The following TSPAN1 variants were observed in gnomAD, a reference collection of about 807,000 sequenced individuals.
TSPAN1 encodes tetraspanin 1, also known as tetraspanin-1.
A neutral mutation model predicts 26.9 loss-of-function variants in TSPAN1; 23 were observed. That is an observed-to-expected ratio of 0.85 (90% CI 0.62 to 1.21). The LOEUF (loss-of-function observed/expected upper bound fraction) is 1.21, where lower values mean the gene tolerates loss of function less well. Ranked by LOEUF, TSPAN1 falls within the 50% of genes most tolerant of loss-of-function variation. The probability of loss-of-function intolerance (pLI) is 0.00; values close to 1 mark genes in which losing one functional copy is unlikely to be tolerated. For missense variants in TSPAN1, 283 were observed against 298.4 expected (o/e 0.95, Z 0.38); for synonymous variants, 115 against 114.8 (o/e 1.00, Z -0.01).
chr1:46,188,714 C>T (rs1353145198), downstream of TSPAN1: 1 of 1,599,508 alleles, frequency 6.3e-7, no homozygotes, highest in African/African-American at 1.3e-5. Flanking sequence ...TAATCAATGA[C>T]CAACTTATCC....
chr1:46,190,088 C>T, downstream of TSPAN1: 1 of 1,191,956 alleles, frequency 8.4e-7, no homozygotes, highest in South Asian at 1.5e-5. Flanking sequence ...CTGTTGCCAC[C>T]TTGAAGTTCT....
At chr1:46,183,910 C>T in intron 3 of TSPAN1, 1 of 509,048 alleles carries the variant, frequency 2.0e-6, no homozygotes, top group Non-Finnish European at 3.6e-6. Context: ...ACCCTGGCAG[C>T]AGTGAGGGAA....
chr1:46,195,821 C>A, the TSPAN1 span: 1 of 1,594,742 alleles, frequency 6.3e-7, no homozygotes, highest in Non-Finnish European at 8.6e-7. Context: ...CTTGACAGTG[C>A]AGATGAGCAC....
downstream of TSPAN1, among the ~76,000 whole-genome samples, chr1:46,186,227 G>A (rs1657424750): frequency 6.6e-6 from 1 of 152,114 alleles, no homozygotes; most frequent in Non-Finnish European, 1.5e-5. Context: ...ACCCCCTCCT[G>A]GGTAGGGGCA....
chr1:46,193,794 G>C, the TSPAN1 span: 2 of 1,607,990 alleles, frequency 1.2e-6, no homozygotes, highest in African/African-American at 2.7e-5. Flanking sequence ...GTTCCTCCTG[G>C]AGGTAGATGA....
downstream of TSPAN1, chr1:46,189,427 C>T: frequency 1.2e-6 from 2 of 1,613,592 alleles, no homozygotes; most frequent in South Asian, 1.1e-5. Flanking sequence ...ACTAGGCCTC[C>T]TGTTTCCCAG....
intron 1 of TSPAN1, chr1:46,175,873 T>TA: frequency 8.4e-6 from 1 of 118,426 alleles, no homozygotes; most frequent in East Asian, 9.3e-5. Flanking sequence ...CTGGCTCTGG[T>TA]TTTTTTTTTT....
intron 1 of TSPAN1, chr1:46,175,838 A>G (rs1352597194): frequency 4.5e-6 from 2 of 440,978 alleles, no homozygotes; most frequent in East Asian, 3.4e-5. Flanking sequence ...GCGTGCCTAA[A>G]CAGAACCAGG....
chr1:46,190,334 G>A (rs896845254), downstream of TSPAN1: 10 of 1,175,522 alleles, frequency 8.5e-6, no homozygotes, highest in African/African-American at 6.1e-5. Flanking sequence ...GTGAGCCACC[G>A]CGCCCGGCCT....
chr1:46,186,689 A>G (rs1371570567), downstream of TSPAN1, among the ~76,000 whole-genome samples: 1 of 85,762 alleles, frequency 1.2e-5, no homozygotes. Flanking sequence ...TTTTTGAGAG[A>G]GTCTCGCTGT....
downstream of TSPAN1, among the ~76,000 whole-genome samples, chr1:46,186,674 T>TC (rs1279588240): frequency 1.6e-4 from 23 of 141,884 alleles, no homozygotes; most frequent in Non-Finnish European, 2.8e-4. Flanking sequence ...GTTTTTTTTT[T>TC]TTTTTTTTTG....
chr1:46,195,955 T>C, the TSPAN1 span: 1 of 1,614,036 alleles, frequency 6.2e-7, no homozygotes, highest in African/African-American at 1.3e-5. Context: ...GGTGAGTTGG[T>C]GTCATCAGCA....
intron 2 of TSPAN1, 125 bp from the exon 3 acceptor site, chr1:46,180,975 A>C: frequency 1.3e-6 from 1 of 749,100 alleles, no homozygotes; most frequent in South Asian, 1.7e-5. Context: ...GTACAGGAGA[A>C]GCTTGGTGAG....
chr1:46,190,033 T>C (rs747241599), downstream of TSPAN1: 2 of 1,610,718 alleles, frequency 1.2e-6, no homozygotes, highest in East Asian at 4.5e-5. Flanking sequence ...AGGGCCCACT[T>C]CATGGGTGTG....
the TSPAN1 span, chr1:46,196,041 T>C: frequency 6.2e-7 from 1 of 1,614,058 alleles, no homozygotes; most frequent in South Asian, 1.1e-5. This position sits in a 1 kb window ranked among gnomAD's most constrained non-coding sequence, Gnocchi z 4.4. Context: ...ATGACATGGA[T>C]GCCCCGGCCC....
At chr1:46,178,573 A>T (rs1277286454) in intron 1 of TSPAN1, among the ~76,000 whole-genome samples, 1 of 151,896 alleles carries the variant, frequency 6.6e-6, no homozygotes, top group African/African-American at 2.4e-5. Context: ...TTAAAATATG[A>T]CCTTGCTTCC....
chr1:46,193,658 G>T, the TSPAN1 span: 1 of 1,613,912 alleles, frequency 6.2e-7, no homozygotes, highest in Non-Finnish European at 8.5e-7. Flanking sequence ...CCCAGGGATA[G>T]GTTAGGGTCA....
chr1:46,175,423 C>T lies in TSPAN1; in HGVS notation c.-142+14C>T, dbSNP rs1221998326. On this transcript the variant is annotated intron_variant, in intron 1 of 8. Coordinates refer to ENST00000372003, the MANE Select transcript of TSPAN1 (RefSeq NM_005727.4). ...AAGCCTTTCCCTGTAAGTATTCAGCCATAACCCTCCCCTCACGCCCTGCAT... is the reference window on the plus strand; with the variant it reads ...AAGCCTTTCCCTGTAAGTATTCAGCTATAACCCTCCCCTCACGCCCTGCAT... 5.1e-6 allele frequency: 2 copies of T among 393,688 alleles called. No homozygotes were observed. The highest frequency in any genetic ancestry group is 8.9e-5 in the Admixed American group (2 of 22,558). 24.4% of individuals were successfully genotyped at this position (393,688 alleles called of 1,614,324 possible).
Position 46,184,944 on chromosome 1 carries a change from C to A in TSPAN1, c.439-16C>A, listed in dbSNP as rs780480233. ...AAAGAAGCAAGGCCCCACCTCCACC[C>A]TCATCTTGTCTCCAGCTCAAGTGCT... On this transcript the variant is annotated splice_polypyrimidine_tract_variant and intron_variant, in intron 6 of 8. Coordinates refer to ENST00000372003, the MANE Select transcript of TSPAN1 (RefSeq NM_005727.4). The A allele has an allele frequency of 6.2e-7, 1 of 1,614,216 alleles. No individual in the cohort carries two copies. The highest frequency in any genetic ancestry group is 1.7e-5 in the Admixed American group (1 of 60,034).
Sources: allele counts gnomAD v4.1 joint callset (sites outside exome capture counted in the v4.1 genomes callset), GRCh38; gene constraint gnomAD v4.1.1; non-coding constraint Gnocchi (gnomAD v3.1); transcripts MANE v1.5; gene names NCBI Gene and HGNC (gene_info 2026-07-23, HGNC 2026-07-21).